The following TP63 variants were observed in gnomAD, a reference collection of about 807,000 sequenced individuals.
TP63 encodes tumor protein p63.
In TP63, 17 loss-of-function variants were observed where a neutral mutation model predicts 82.8. The observed-to-expected ratio is 0.21, with a 90% CI of 0.14 to 0.31. The LOEUF (loss-of-function observed/expected upper bound fraction) is 0.31, where lower values mean the gene tolerates loss of function less well. Among genes scored for constraint, TP63 ranks in the 10% least tolerant of loss-of-function variants. The probability of loss-of-function intolerance (pLI) is 1.00; values close to 1 mark genes in which losing one functional copy is unlikely to be tolerated. For synonymous variants in TP63, 330 were observed against 321.7 expected (o/e 1.03, Z -0.28); for missense variants, 648 against 895.3 (o/e 0.72, Z 3.52).
chr3:189,810,934 G>A (rs1727491656), intron 4 of TP63, among the ~76,000 whole-genome samples: 1 of 151,604 alleles, frequency 6.6e-6, no homozygotes, highest in Non-Finnish European at 1.5e-5. Flanking sequence ...CCCTCTCTCA[G>A]AGAAGTCAAT....
intron 1 of TP63, among the ~76,000 whole-genome samples, chr3:189,675,272 G>A (rs1045727278): frequency 1.3e-5 from 2 of 151,930 alleles, no homozygotes; most frequent in Admixed American, 6.6e-5. Context: ...TTAGGGGTTA[G>A]GATTTCAACA....
chr3:189,643,958 T>G (rs1037816890), intron 1 of TP63, among the ~76,000 whole-genome samples: 1 of 152,174 alleles, frequency 6.6e-6, no homozygotes, highest in Admixed American at 6.5e-5. Context: ...TTCAGAAAGC[T>G]CTCCTCTGTT....
At chr3:189,627,271 C>T (rs776949670), upstream of TP63, among the ~76,000 whole-genome samples, 1 of 152,134 alleles carries the variant, frequency 6.6e-6, no homozygotes, top group Non-Finnish European at 1.5e-5. Flanking sequence ...GGACTTCTGG[C>T]CATAATTGTG....
At chr3:189,617,264 G>A in the TP63 span, among the ~76,000 whole-genome samples, 1 of 152,220 alleles carries the variant, frequency 6.6e-6, no homozygotes, top group African/African-American at 2.4e-5. Flanking sequence ...GGTTGACCAA[G>A]CAGCCCAGTT....
intron 1 of TP63, among the ~76,000 whole-genome samples, chr3:189,721,621 T>A (rs10937408): frequency 0.54 from 82,097 of 151,890 alleles, 22,364 homozygotes; most frequent in Middle Eastern, 0.66. Flanking sequence ...TAGAACTTTG[T>A]TTCATAAAGG....
At chr3:189,779,380 T>G (rs1724055790) in intron 3 of TP63, among the ~76,000 whole-genome samples, 1 of 152,150 alleles carries the variant, frequency 6.6e-6, no homozygotes, top group African/African-American at 2.4e-5. Flanking sequence ...TTGCACCACT[T>G]TTTAATCAAC....
chr3:189,807,763 A>G (rs1429830471), intron 3 of TP63, among the ~76,000 whole-genome samples: 1 of 152,200 alleles, frequency 6.6e-6, no homozygotes, highest in Non-Finnish European at 1.5e-5. Context: ...CTGGGACAGA[A>G]TGCAGAATTG....
At chr3:189,739,494 G>A (rs1720825192) in intron 3 of TP63, among the ~76,000 whole-genome samples, 1 of 152,130 alleles carries the variant, frequency 6.6e-6, no homozygotes, top group South Asian at 2.1e-4. Flanking sequence ...CTTCTTTAAT[G>A]CAGGAGGAAT....
intron 3 of TP63, among the ~76,000 whole-genome samples, chr3:189,753,713 A>G (rs896654966): frequency 2.6e-5 from 4 of 152,004 alleles, no homozygotes; most frequent in Non-Finnish European, 5.9e-5. Flanking sequence ...TTAGTTTTCT[A>G]TTGGTTCCCT....
chr3:189,784,985 T>C (rs1724488396), intron 3 of TP63, among the ~76,000 whole-genome samples: 1 of 152,078 alleles, frequency 6.6e-6, no homozygotes, highest in East Asian at 1.9e-4. Flanking sequence ...CTCATTGGTT[T>C]TGTTCTGCAG....
rs571932759 is a variant in TP63, at chr3:189,805,313, T to C, written c.325-2959T>C. On this transcript the variant is annotated intron_variant, in intron 3 of 13. Transcript: ENST00000264731. ...ATTCATTAAAACATTTTCATCTCAT[T>C]ACAAATGATTTCTTCCTTTAAAATT... Among the ~76,000 whole-genome samples the C allele has an allele frequency of 8.9e-4, 135 of 152,364 alleles. 2 individuals are homozygous for C. The South Asian group carries it at 0.027, about 30-fold the overall frequency.
At chr3:189,781,294 T>C (rs1284349117) in intron 3 of TP63, among the ~76,000 whole-genome samples, 1 of 152,046 alleles carries the variant, frequency 6.6e-6, no homozygotes, top group African/African-American at 2.4e-5. Context: ...GAAAACGGGG[T>C]TCTTGGAGTG....
At chr3:189,620,789 T>C in the TP63 span, among the ~76,000 whole-genome samples, 1 of 152,210 alleles carries the variant, frequency 6.6e-6, no homozygotes, top group Admixed American at 6.5e-5. Flanking sequence ...GAGCAGTGCA[T>C]GAGGCTGCCA....
chr3:189,773,574 A>G (rs906554214), intron 3 of TP63, among the ~76,000 whole-genome samples: 1 of 152,226 alleles, frequency 6.6e-6, no homozygotes. Flanking sequence ...TTCCTAGGAG[A>G]GTTAAAGAAC....
rs1720796873 is a variant in TP63 at position 189,889,464 on chromosome 3, C to T, written c.1632C>T (p.Pro544=). The change falls in exon 12 of 14, where the codon CCC becomes CCT. Residue 544 remains proline (P), a synonymous_variant. Coordinates refer to ENST00000264731, the MANE Select transcript of TP63 (RefSeq NM_003722.5). Reference sequence around the variant, plus strand: ...ACTGCACACCCCCACCTCCGTATCCCACAGATTGCAGCATTGTCAGGTGAG... The same window carrying T: ...ACTGCACACCCCCACCTCCGTATCCTACAGATTGCAGCATTGTCAGGTGAG... ...TSHCTPPPPY[P]TDCSIVSFLA... 1 of 1,614,224 alleles carries T rather than the reference C, an allele frequency of 6.2e-7. No individual in the cohort carries two copies. Among genetic ancestry groups the T allele is most frequent in the South Asian group, 1.1e-5 (1 of 91,088 alleles).
rs574565024 is a variant in TP63 at position 189,737,846 on chromosome 3, C to A, written c.169C>A (p.His57Asn). 1.2e-6 allele frequency: 2 copies of A among 1,613,890 alleles called. No homozygotes were observed. The highest frequency in any genetic ancestry group is 1.7e-6 in the Non-Finnish European group (2 of 1,179,844). Residue 57 changes from histidine (H) to asparagine (N), a missense_variant, in exon 2 of 14, where the codon CAT (histidine) becomes AAT (asparagine). Physicochemically the swap from His to Asn is moderately conservative, Grantham distance 68 (BLOSUM62 1). Coordinates refer to ENST00000264731, the MANE Select transcript of TP63 (RefSeq NM_003722.5). ...ATTCCTCAGTCCAGAGGTTTTCCAG[C>A]ATATCTGGGATTTTCTGGAACAGTA... ...NEFLSPEVFQ[H>N]IWDFLEQPIC...
chr3:189,694,883 G>A (rs1432113136), intron 1 of TP63, among the ~76,000 whole-genome samples: 1 of 121,688 alleles, frequency 8.2e-6, no homozygotes, highest in African/African-American at 3.2e-5. Context: ...TTGGCTCACT[G>A]CAACCTCCAA....
intron 1 of TP63, among the ~76,000 whole-genome samples, chr3:189,660,697 T>C (rs6798902): frequency 0.018 from 2,770 of 152,172 alleles, 91 homozygotes; most frequent in African/African-American, 0.063. Flanking sequence ...TCCATGAGCA[T>C]GGAATGTTTT....
intron 4 of TP63, among the ~76,000 whole-genome samples, chr3:189,839,040 T>TAAAAAAA (rs5855274): frequency 6.9e-4 from 61 of 88,550 alleles, no homozygotes; most frequent in African/African-American, 2.5e-3. Context: ...TATCCTAAGC[T>TAAAAAAA]AAAAAAAAAA....
Sources: gnomAD v4.1 joint callset for allele counts (sites outside exome capture counted in the v4.1 genomes callset) on GRCh38, gnomAD v4.1.1 for gene constraint, MANE v1.5 for transcripts, NCBI Gene and HGNC (gene_info 2026-07-23, HGNC 2026-07-21) for gene names.